Variants in FHOD3 observed in about 807,000 individuals in gnomAD.
The protein encoded by FHOD3 is FH1/FH2 domain-containing protein 3.
Under a neutral mutation model 173.0 loss-of-function variants are expected in FHOD3, and 90 were observed. That is an observed-to-expected ratio of 0.52 (90% confidence interval 0.44 to 0.62). The LOEUF (loss-of-function observed/expected upper bound fraction) is 0.62. FHOD3 is among the 20% of genes least tolerant of loss of function. FHOD3 has a pLI of 0.00. For synonymous variants in FHOD3, 828 were observed against 823.0 expected, an observed-to-expected ratio of 1.01 and a Z score of -0.10; for missense variants, 1,945 against 2,034.7, an observed-to-expected ratio of 0.96 and a Z score of 0.85.
intron 10 of FHOD3, among the ~76,000 whole-genome samples, chr18:36,647,038 ACCAGC>A (rs1389170294): frequency 3.3e-5 from 5 of 152,148 alleles, no homozygotes; most frequent in African/African-American, 9.7e-5. Context: ...GGAGTTTGAG[ACCAGC>A]CTGGCCAACA....
chr18:36,517,996 C>G (rs2056082658), intron 5 of FHOD3, among the ~76,000 whole-genome samples: 1 of 152,062 alleles, frequency 6.6e-6, no homozygotes, highest in Non-Finnish European at 1.5e-5. Context: ...TCATAGATAT[C>G]ATGGAAAGAG....
At chr18:36,493,892 G>T (rs2054597853) in intron 3 of FHOD3, among the ~76,000 whole-genome samples, 1 of 152,190 alleles carries the variant, frequency 6.6e-6, no homozygotes, top group South Asian at 2.1e-4. Flanking sequence ...TTCCCACGGG[G>T]AGCTTCGTTA....
intron 6 of FHOD3, among the ~76,000 whole-genome samples, chr18:36,584,458 C>T (rs1258748911): frequency 6.6e-6 from 1 of 152,204 alleles, no homozygotes; most frequent in Non-Finnish European, 1.5e-5. Context: ...CCAGCAAATT[C>T]TATATGGTCC....
chr18:36,666,074 G>C (rs1342790354), intron 14 of FHOD3, among the ~76,000 whole-genome samples: 3 of 152,252 alleles, frequency 2.0e-5, no homozygotes, highest in Non-Finnish European at 4.4e-5. Flanking sequence ...AGGGCCTGGA[G>C]GAATGGCTTC....
chr18:36,390,975 C>G (rs1473888775), intron 3 of FHOD3, among the ~76,000 whole-genome samples: 1 of 152,150 alleles, frequency 6.6e-6, no homozygotes, highest in African/African-American at 2.4e-5. Flanking sequence ...TTCCTCTTGC[C>G]CCAGAAAGAT....
intron 11 of FHOD3, among the ~76,000 whole-genome samples, chr18:36,651,504 G>A (rs1030961046): frequency 1.3e-5 from 2 of 152,182 alleles, no homozygotes; most frequent in African/African-American, 4.8e-5. Flanking sequence ...TGTAATCCCA[G>A]CACTTTGGGA....
Position 36,763,320 on chromosome 18 carries a change from TATTATACACGTTATATACAATATGC to T in FHOD3, c.4624+2539_4624+2563del, listed in dbSNP as rs2042986323. ...TTATACACGTTATATACAATATGCG[TATTATACACGTTATATACAATATGC>T]GTATTATACACGTTATATACAATAT... is the stretch of plus-strand genomic sequence containing the variant. On this transcript the variant is annotated intron_variant, in intron 27 of 28. Coordinates refer to ENST00000590592, the MANE Select transcript of FHOD3 (RefSeq NM_001281740.3). Among the ~76,000 whole-genome samples, 8 of 139,544 alleles carry T rather than the reference TATTATACACGTTATATACAATATGC, an allele frequency of 5.7e-5. No homozygotes were observed. In the South Asian group the frequency reaches 1.8e-3, roughly 31 times the overall value. 91.5% of individuals were successfully genotyped at this position (139,544 alleles called of 152,430 possible). A position where few individuals can be genotyped will look rare whatever the true frequency, so the allele number is the denominator to read the frequency against.
chr18:36,745,472 A>G (rs1600525948), intron 23 of FHOD3, among the ~76,000 whole-genome samples: 1 of 152,096 alleles, frequency 6.6e-6, no homozygotes, highest in African/African-American at 2.4e-5. Flanking sequence ...CCTGCCTCAC[A>G]CCAGACACGA....
At chr18:36,625,420 C>CT in intron 9 of FHOD3, 91 bp from the exon 10 acceptor site, 3 of 1,178,386 alleles carry the variant, frequency 2.5e-6, no homozygotes, top group Non-Finnish European at 3.4e-6. Flanking sequence ...TTAAAAATCC[C>CT]TATTAGGGCA....
intron 6 of FHOD3, among the ~76,000 whole-genome samples, chr18:36,591,331 C>G (rs2059209076): frequency 6.6e-6 from 1 of 152,158 alleles, no homozygotes; most frequent in African/African-American, 2.4e-5. Flanking sequence ...AATGGCAGCC[C>G]AGGGCATGAC....
intron 4 of FHOD3, among the ~76,000 whole-genome samples, chr18:36,507,070 T>C (rs983455055): frequency 1.3e-5 from 2 of 152,162 alleles, no homozygotes; most frequent in African/African-American, 2.4e-5. Flanking sequence ...GAACATGTTA[T>C]GCTTTTTCAT....
At chr18:36,554,326 G>A (rs765879568) in intron 5 of FHOD3, among the ~76,000 whole-genome samples, 15 of 152,230 alleles carry the variant, frequency 9.9e-5, no homozygotes, top group African/African-American at 3.1e-4. Flanking sequence ...ATAAGTTCAC[G>A]TCCTTTGTAG....
intron 16 of FHOD3, among the ~76,000 whole-genome samples, chr18:36,692,223 C>T (rs2039008252): frequency 6.6e-6 from 1 of 152,178 alleles, no homozygotes; most frequent in African/African-American, 2.4e-5. Context: ...ATTATGTGCT[C>T]TGCCTTTCTT....
chr18:36,522,701 G>A (rs2056332945), intron 5 of FHOD3, among the ~76,000 whole-genome samples: 1 of 152,204 alleles, frequency 6.6e-6, no homozygotes, highest in African/African-American at 2.4e-5. Flanking sequence ...AGTTGAGGAA[G>A]ACAATTGAAT....
At chr18:36,520,882 G>C (rs184987385) in intron 5 of FHOD3, among the ~76,000 whole-genome samples, 1 of 152,174 alleles carries the variant, frequency 6.6e-6, no homozygotes, top group African/African-American at 2.4e-5. Flanking sequence ...CCAAAGATGT[G>C]CCTCCTCACT....
intron 5 of FHOD3, among the ~76,000 whole-genome samples, chr18:36,514,753 G>A (rs889202217): frequency 4.6e-5 from 7 of 152,072 alleles, no homozygotes; most frequent in African/African-American, 9.7e-5. Context: ...TTGCATCAGC[G>A]CAATAGTTTA....
At chr18:36,398,588 C>G (rs1439047704) in intron 3 of FHOD3, among the ~76,000 whole-genome samples, 1 of 152,044 alleles carries the variant, frequency 6.6e-6, no homozygotes, top group African/African-American at 2.4e-5. Context: ...ATGATTTGTT[C>G]CATTGTGATG....
In FHOD3 at chr18:36,406,578, A is replaced by G. The variant is rs2049082653; in HGVS notation, c.337+33834A>G. 2.0e-5 allele frequency among the ~76,000 whole-genome samples: 3 copies of G among 152,096 alleles called. No individual in the cohort carries two copies. In the South Asian group the frequency reaches 6.2e-4, roughly 32 times the overall value. ...TTGGGTTAGCAAACTCTTTTTGAAA[A>G]TCTGCCCCCCGCCCTGAGCCTATCA... On this transcript the variant is annotated intron_variant, in intron 3 of 28. Transcript: ENST00000590592.
intron 3 of FHOD3, among the ~76,000 whole-genome samples, chr18:36,408,163 C>G (rs1182496353): frequency 6.6e-6 from 1 of 152,182 alleles, no homozygotes; most frequent in Non-Finnish European, 1.5e-5. Flanking sequence ...ATTCACCAGT[C>G]TTTCAAACTA....
Sources: allele counts gnomAD v4.1 joint callset (sites outside exome capture counted in the v4.1 genomes callset), GRCh38; gene constraint gnomAD v4.1.1; transcripts MANE v1.5; gene names NCBI Gene and HGNC (gene_info 2026-07-23, HGNC 2026-07-21).